Variants in TULP4 observed in about 807,000 individuals in gnomAD.
TULP4 encodes the protein tubby-related protein 4.
Under a neutral mutation model 129.0 loss-of-function variants are expected in TULP4, and 16 were observed. The observed-to-expected ratio is 0.12, with a 90% CI of 0.08 to 0.19. TULP4 has a LOEUF of 0.19. Among genes scored for constraint, TULP4 ranks in the 10% least tolerant of loss-of-function variants. The pLI, the probability that TULP4 is intolerant of heterozygous loss-of-function variation, is 1.00. For synonymous variants in TULP4, 998 were observed against 854.0 expected (o/e 1.17, Z -2.94); for missense variants, 1,842 against 2,059.1 (o/e 0.89, Z 2.04).
chr6:158,340,199 G>T (rs549596421), intron 1 of TULP4, among the ~76,000 whole-genome samples: 8 of 152,198 alleles, frequency 5.3e-5, no homozygotes, highest in African/African-American at 1.2e-4. Flanking sequence ...AGAAAAATGG[G>T]TTTTTTGGGG....
At chr6:158,374,309 CAA>C (rs1777136694) in intron 1 of TULP4, among the ~76,000 whole-genome samples, 14 of 136,172 alleles carry the variant, frequency 1.0e-4, no homozygotes, top group African/African-American at 1.9e-4. Context: ...AAAAAAAAAA[CAA>C]GAAGTAAATA....
At chr6:158,504,904 G>GCA (rs957487792) in intron 13 of TULP4, among the ~76,000 whole-genome samples, 2 of 152,090 alleles carry the variant, frequency 1.3e-5, no homozygotes, top group East Asian at 1.9e-4. Flanking sequence ...CTCACCCTAT[G>GCA]CACACACACA....
upstream of TULP4, among the ~76,000 whole-genome samples, chr6:158,277,801 T>C (rs1778673557): frequency 6.6e-6 from 1 of 152,212 alleles, no homozygotes; most frequent in Non-Finnish European, 1.5e-5. Context: ...GATGCAGATA[T>C]TCTGAAACAA....
chr6:158,388,286 A>C (rs531644462), intron 1 of TULP4, among the ~76,000 whole-genome samples: 5 of 148,352 alleles, frequency 3.4e-5, no homozygotes, highest in Non-Finnish European at 6.0e-5. Flanking sequence ...TTGAACTTAC[A>C]TACATTGTTT....
At chr6:158,454,482 A>G (rs892999953) in intron 5 of TULP4, among the ~76,000 whole-genome samples, 4 of 151,574 alleles carry the variant, frequency 2.6e-5, no homozygotes, top group Admixed American at 6.6e-5. Flanking sequence ...TGAACATAAT[A>G]TAATTACCAC....
In TULP4 at chr6:158,318,899, ATTTTTTT is replaced by A. The variant is rs56898948; in HGVS notation, c.252+4651_252+4657del. On this transcript the variant is annotated intron_variant, in intron 1 of 13. Coordinates refer to ENST00000367097, the MANE Select transcript of TULP4 (RefSeq NM_020245.5). ...TGCCACAATGTTCAGCTAGTTACAA[ATTTTTTT>A]TTTTTTTTTTTTTTTTTTTGGTAGA... Among the ~76,000 whole-genome samples, 11 of 136,954 alleles carry A rather than the reference ATTTTTTT, an allele frequency of 8.0e-5. No homozygotes were observed. In the South Asian group the frequency reaches 2.4e-3, roughly 30 times the overall value. 89.8% of individuals were successfully genotyped at this position (136,954 alleles called of 152,430 possible). A position where few individuals can be genotyped will look rare whatever the true frequency, so the allele number is the denominator to read the frequency against.
chr6:158,492,100 C>T (rs1020252972), intron 9 of TULP4, among the ~76,000 whole-genome samples: 6 of 152,154 alleles, frequency 3.9e-5, no homozygotes, highest in Non-Finnish European at 5.9e-5. Flanking sequence ...CCTTGTGATC[C>T]GCCCGCCTTG....
chr6:158,345,426 G>A (rs1416320146), intron 1 of TULP4, among the ~76,000 whole-genome samples: 1 of 152,170 alleles, frequency 6.6e-6, no homozygotes, highest in Non-Finnish European at 1.5e-5. Context: ...TTCAGTGTAG[G>A]TTCTTTCTAT....
intron 2 of TULP4, among the ~76,000 whole-genome samples, chr6:158,427,075 C>A (rs1562561860): frequency 6.6e-6 from 1 of 152,046 alleles, no homozygotes. Context: ...GATTTCGTAT[C>A]CTGAGACTTT....
intron 1 of TULP4, among the ~76,000 whole-genome samples, chr6:158,290,680 T>C (rs1019828784): frequency 6.6e-6 from 1 of 152,246 alleles, no homozygotes; most frequent in African/African-American, 2.4e-5. Context: ...CATGCTTACC[T>C]AAGATAATTA....
intron 1 of TULP4, among the ~76,000 whole-genome samples, chr6:158,240,375 C>T (rs1177624064): frequency 8.2e-5 from 6 of 72,938 alleles, no homozygotes; most frequent in Non-Finnish European, 1.5e-4. Context: ...CCGGACCGGG[C>T]GGCTGGCCGG....
upstream of TULP4, among the ~76,000 whole-genome samples, chr6:158,308,769 AC>A (rs1779268167): frequency 8.3e-6 from 1 of 121,082 alleles, no homozygotes; most frequent in Non-Finnish European, 1.7e-5. Flanking sequence ...TGACCCCCCC[AC>A]CTCCCTCCCG....
At chr6:158,289,636 G>A (rs147978265) in intron 1 of TULP4, among the ~76,000 whole-genome samples, 3 of 152,152 alleles carry the variant, frequency 2.0e-5, no homozygotes, top group Non-Finnish European at 2.9e-5. Flanking sequence ...GCTGGAGTAC[G>A]GTGGTGCAAT....
At chr6:158,253,997 C>G (rs979939550) in intron 1 of TULP4, among the ~76,000 whole-genome samples, 8 of 151,886 alleles carry the variant, frequency 5.3e-5, no homozygotes, top group Non-Finnish European at 1.2e-4. Context: ...TGAGATTGCC[C>G]CACTGTACTC....
chr6:158,261,091 G>A (rs1778345045), intron 1 of TULP4, among the ~76,000 whole-genome samples: 1 of 152,072 alleles, frequency 6.6e-6, no homozygotes, highest in African/African-American at 2.4e-5. Flanking sequence ...AGCGCTGGGA[G>A]TATAGGAGTG....
Position 158,295,809 on chromosome 6 carries a change from C to T in TULP4, n.116+13431C>T, listed in dbSNP as rs546633301. Among the ~76,000 whole-genome samples, 122 of 152,190 alleles carry T rather than the reference C, an allele frequency of 8.0e-4. 1 individual carries two copies. In the South Asian group the frequency reaches 0.021, roughly 26 times the overall value. ...GGGAGGCTGAGGCAGGAGAATGGCACGAACCTGGGAGGCAGAGCTTGCAGT... is the reference window on the plus strand; with the variant it reads ...GGGAGGCTGAGGCAGGAGAATGGCATGAACCTGGGAGGCAGAGCTTGCAGT... On this transcript the variant is annotated intron_variant and non_coding_transcript_variant, in intron 1 of 1. Transcript: ENST00000432358.
chr6:158,396,271 C>T (rs1235562313), intron 1 of TULP4, among the ~76,000 whole-genome samples: 1 of 152,200 alleles, frequency 6.6e-6, no homozygotes, highest in Non-Finnish European at 1.5e-5. Flanking sequence ...CCCAGGTTGG[C>T]TCTTCTTTTT....
intron 5 of TULP4, among the ~76,000 whole-genome samples, chr6:158,453,485 CA>C (rs869146924): frequency 0.062 from 1,100 of 17,880 alleles, 3 homozygotes; most frequent in African/African-American, 0.11. Flanking sequence ...CTCTGTCTCA[CA>C]AAAAAAAAAA....
intron 1 of TULP4, among the ~76,000 whole-genome samples, chr6:158,345,647 C>T (rs1427579903): frequency 5.9e-5 from 9 of 152,206 alleles, no homozygotes; most frequent in Admixed American, 1.3e-4. Context: ...GGGCAAAAAA[C>T]AGAACTACTG....
Sources: allele counts gnomAD v4.1 joint callset (sites outside exome capture counted in the v4.1 genomes callset), GRCh38; gene constraint gnomAD v4.1.1; transcripts MANE v1.5; gene names NCBI Gene and HGNC (gene_info 2026-07-23, HGNC 2026-07-21).